HBS1L: variants seen among roughly 807,000 people sequenced by gnomAD.
HBS1L encodes HBS1 like translational GTPase, also known as HBS1-like protein.
HBS1L carries 55 observed loss-of-function variants against 88.9 expected under a neutral mutation model. The observed-to-expected ratio is 0.62, with a 90% CI of 0.50 to 0.77. The LOEUF is 0.77. Among genes scored for constraint, HBS1L ranks in the 30% least tolerant of loss-of-function variants. HBS1L has a pLI of 0.00. For synonymous variants in HBS1L, 267 were observed against 288.5 expected, an observed-to-expected ratio of 0.93 and a Z score of 0.76; for missense variants, 741 against 829.3, an observed-to-expected ratio of 0.89 and a Z score of 1.31.
chr6:135,010,952 G>A (rs1261718001), intron 4 of HBS1L, among the ~76,000 whole-genome samples: 1 of 151,950 alleles, frequency 6.6e-6, no homozygotes, highest in Non-Finnish European at 1.5e-5. Flanking sequence ...TTAAGTATAT[G>A]GAAAAATATA....
At chr6:134,990,308 T>C (rs1236061482) in intron 8 of HBS1L, among the ~76,000 whole-genome samples, 2 of 152,178 alleles carry the variant, frequency 1.3e-5, no homozygotes, top group African/African-American at 4.8e-5. Context: ...AAGTGATCTC[T>C]CTCCACAATG....
intron 7 of HBS1L, 107 bp downstream of exon 7, chr6:134,996,670 A>G (rs1050137516): frequency 2.5e-6 from 2 of 810,384 alleles, no homozygotes; most frequent in Admixed American, 3.0e-5. Context: ...TTTTCTAAAA[A>G]TAATCTCTAA....
At chr6:135,043,813 T>C (rs1776827780) in intron 2 of HBS1L, among the ~76,000 whole-genome samples, 1 of 152,220 alleles carries the variant, frequency 6.6e-6, no homozygotes, top group South Asian at 2.1e-4. Flanking sequence ...TCTACTATAA[T>C]GCACGTTTCC....
intron 7 of HBS1L, among the ~76,000 whole-genome samples, chr6:134,995,674 G>C (rs534268773): frequency 6.6e-6 from 1 of 151,442 alleles, no homozygotes; most frequent in South Asian, 2.1e-4. Context: ...ACATACTTTA[G>C]TAATGTGCTT....
At chr6:135,014,755 G>A (rs553272241) in intron 4 of HBS1L, among the ~76,000 whole-genome samples, 1 of 147,476 alleles carries the variant, frequency 6.8e-6, no homozygotes, top group East Asian at 2.0e-4. Context: ...AGTGGCTCAT[G>A]CCTGTAATCC....
At chr6:134,966,668 T>C (rs1310982125) in intron 16 of HBS1L, among the ~76,000 whole-genome samples, 195 bp from the exon 17 acceptor site, 1 of 147,540 alleles carries the variant, frequency 6.8e-6, no homozygotes, top group Non-Finnish European at 1.5e-5. Flanking sequence ...GGAGTAATTC[T>C]AGATTTAAGA....
chr6:135,040,119 G>A (rs949613906), intron 3 of HBS1L, among the ~76,000 whole-genome samples: 2 of 152,144 alleles, frequency 1.3e-5, no homozygotes. Flanking sequence ...AAAGGAAGGG[G>A]TGAGTGTGGA....
At chr6:135,050,111 C>G (rs550354308) in intron 2 of HBS1L, among the ~76,000 whole-genome samples, 76 of 152,290 alleles carry the variant, frequency 5.0e-4, no homozygotes, top group African/African-American at 1.7e-3. Flanking sequence ...ATGCCAAATT[C>G]CTCTGTGGCT....
chr6:135,017,987 AC>A (rs1195083493), intron 4 of HBS1L, among the ~76,000 whole-genome samples: 73 of 114,734 alleles, frequency 6.4e-4, no homozygotes, highest in African/African-American at 2.0e-3. Flanking sequence ...AAACAAACAA[AC>A]AAACAAAAAA....
intron 4 of HBS1L, among the ~76,000 whole-genome samples, chr6:135,028,031 G>A (rs1265489102): frequency 1.3e-5 from 2 of 151,964 alleles, no homozygotes; most frequent in East Asian, 1.9e-4. Flanking sequence ...CCTCCTAAGC[G>A]CTGGGAATAC....
chr6:135,018,718 A>G (rs1012899108), intron 4 of HBS1L, among the ~76,000 whole-genome samples: 6 of 151,994 alleles, frequency 3.9e-5, no homozygotes, highest in African/African-American at 1.4e-4. Flanking sequence ...GACAGCCTAC[A>G]AAACAAGGCC....
chr6:135,037,387 T>C, intron 4 of HBS1L: 1 of 1,551,078 alleles, frequency 6.4e-7, no homozygotes, highest in Non-Finnish European at 8.7e-7. Context: ...AGTGTGATTC[T>C]TGGCACTTTG....
Position 134,993,831 on chromosome 6 carries a change from G to A in HBS1L, c.1010C>T (p.Thr337Ile). 6.2e-7 allele frequency: 1 copy of A among 1,606,022 alleles called. No individual in the cohort carries two copies. Among genetic ancestry groups the A allele is most frequent in the Non-Finnish European group, 8.5e-7 (1 of 1,174,680 alleles). ...AGCATCCATTAATGTAATAACTTTGGTTGTGGTTTCAAACTTTGTCATACC... is the reference window on the plus strand; with the variant it reads ...AGCATCCATTAATGTAATAACTTTGATTGTGGTTTCAAACTTTGTCATACC... ...DVGMTKFETTTKVITLMDAPG... is the reference protein window; with the variant it reads ...DVGMTKFETTIKVITLMDAPG... Residue 337 changes from threonine to isoleucine, a missense_variant, in exon 8 of 18, where the codon ACC (threonine) becomes ATC (isoleucine). Physicochemically the swap from Thr to Ile is moderately conservative, Grantham distance 89 (BLOSUM62 -1). Transcript: ENST00000367837.
chr6:134,986,863 A>G, intron 9 of HBS1L, 53 bp from the exon 10 acceptor site: 1 of 848,254 alleles, frequency 1.2e-6, no homozygotes, highest in Non-Finnish European at 1.8e-6. Flanking sequence ...ATGATACATA[A>G]AATTTAAATT....
chr6:134,970,376 G>A (rs573585577), intron 15 of HBS1L, among the ~76,000 whole-genome samples: 1 of 152,182 alleles, frequency 6.6e-6, no homozygotes, highest in Non-Finnish European at 1.5e-5. Flanking sequence ...CAGGTGATCC[G>A]ACTGCCTCGG....
Position 134,960,730 on chromosome 6 carries a change from A to G in HBS1L, c.*4549T>C, listed in dbSNP as rs1029721977. The G allele has an allele frequency of 4.6e-5, 7 of 152,058 alleles. No individual in the cohort carries two copies. Among genetic ancestry groups the G allele is most frequent in the African/African-American group, 9.7e-5 (4 of 41,418 alleles). 9.4% of individuals were successfully genotyped at this position (152,058 alleles called of 1,614,324 possible). A position where few individuals can be genotyped will look rare whatever the true frequency, so the allele number is the denominator to read the frequency against. Reference sequence around the variant, plus strand: ...ATAATTTATTTACTAGTTTTTAGCAATCCCTCTGAGCTTTAGTCTTCTCAT... The same window carrying G: ...ATAATTTATTTACTAGTTTTTAGCAGTCCCTCTGAGCTTTAGTCTTCTCAT... On this transcript the variant is annotated 3_prime_UTR_variant, in exon 18 of 18. Coordinates refer to ENST00000367837, the MANE Select transcript of HBS1L (RefSeq NM_006620.4).
rs140250701 is a variant in HBS1L at position 134,972,277 on chromosome 6, C to A, written c.1798-2939G>T. ...TCATTTTCCTTAATTTTCTAGATAA[C>A]CTGTATTTTTAAAATGTTAACAAAT... is the stretch of plus-strand genomic sequence containing the variant. On this transcript the variant is annotated intron_variant, in intron 15 of 17. Coordinates refer to ENST00000367837, the MANE Select transcript of HBS1L (RefSeq NM_006620.4). 5.7e-4 allele frequency among the ~76,000 whole-genome samples: 87 copies of A among 152,208 alleles called. 1 individual carries two copies. Among genetic ancestry groups the A allele is most frequent in the African/African-American group, 2.0e-3 (84 of 41,536 alleles).
intron 3 of HBS1L, among the ~76,000 whole-genome samples, 153 bp downstream of exon 3, chr6:135,041,848 C>G (rs189250536): frequency 1.3e-5 from 2 of 152,168 alleles, no homozygotes; most frequent in African/African-American, 4.8e-5. Context: ...ACAAAACATA[C>G]TTAATAAAAC....
At chr6:135,054,250 A>G (rs1262594020) in intron 1 of HBS1L, among the ~76,000 whole-genome samples, 2 of 152,262 alleles carry the variant, frequency 1.3e-5, no homozygotes, top group Admixed American at 6.5e-5. Context: ...TGTTTTACAA[A>G]TAAGCAACGT....
Sources: allele counts gnomAD v4.1 joint callset (sites outside exome capture counted in the v4.1 genomes callset), GRCh38; gene constraint gnomAD v4.1.1; transcripts MANE v1.5; gene names NCBI Gene and HGNC (gene_info 2026-07-23, HGNC 2026-07-21).